Variants in MAPKAP1 observed in about 807,000 individuals in gnomAD.
MAPKAP1 encodes target of rapamycin complex 2 subunit MAPKAP1.
A neutral mutation model predicts 65.7 loss-of-function variants in MAPKAP1; 20 were observed. That is an observed-to-expected ratio of 0.30 (90% CI 0.21 to 0.44). The LOEUF is 0.44. MAPKAP1 is among the 20% of genes least tolerant of loss of function. The pLI is 1.00. For missense variants in MAPKAP1, 423 were observed against 648.0 expected, an observed-to-expected ratio of 0.65 and a Z score of 3.77; for synonymous variants, 222 against 244.3, an observed-to-expected ratio of 0.91 and a Z score of 0.85.
intron 8 of MAPKAP1, among the ~76,000 whole-genome samples, chr9:125,505,412 G>A (rs1266477768): frequency 6.7e-6 from 1 of 149,590 alleles, no homozygotes; most frequent in Non-Finnish European, 1.5e-5. Context: ...GTGACAGAGC[G>A]AGACTCCGTC....
rs1267105244 is a variant in MAPKAP1 at position 125,693,666 on chromosome 9, CATATACACGTATATATACACGTAT to C, written c.-70+13281_-70+13304del. ...ACATATACACGTATACATACACACA[CATATACACGTATATATACACGTAT>C]ATATACACGTATATATACACATATA... On this transcript the variant is annotated intron_variant, in intron 1 of 11. Transcript: ENST00000265960. Among the ~76,000 whole-genome samples, 54 of 134,378 alleles carry C rather than the reference CATATACACGTATATATACACGTAT, an allele frequency of 4.0e-4. 1 individual carries two copies. In the South Asian group the frequency reaches 6.0e-3, roughly 15 times the overall value. The allele number at this position is 134,378 out of a possible 152,430, so 88.2% of individuals were successfully genotyped here. A position where few individuals can be genotyped will look rare whatever the true frequency, so the allele number is the denominator to read the frequency against.
intron 4 of MAPKAP1, among the ~76,000 whole-genome samples, chr9:125,604,488 A>T (rs946905712): frequency 6.6e-6 from 1 of 152,238 alleles, no homozygotes; most frequent in African/African-American, 2.4e-5. Context: ...CAGAGCAGGT[A>T]ATTATACAAC....
intron 4 of MAPKAP1, among the ~76,000 whole-genome samples, chr9:125,643,766 TATATAATTA>T (rs1244331845): frequency 6.6e-6 from 1 of 152,198 alleles, no homozygotes; most frequent in Non-Finnish European, 1.5e-5. Context: ...TAAGGACATA[TATATAATTA>T]GGCTTTTGAT....
intron 7 of MAPKAP1, among the ~76,000 whole-genome samples, chr9:125,536,364 G>A (rs1830072815): frequency 6.6e-6 from 1 of 152,168 alleles, no homozygotes; most frequent in Non-Finnish European, 1.5e-5. Context: ...CTTGCCCGGG[G>A]CACTTCTGAG....
At chr9:125,648,324 C>T (rs554380671) in intron 4 of MAPKAP1, among the ~76,000 whole-genome samples, 1 of 152,258 alleles carries the variant, frequency 6.6e-6, no homozygotes, top group East Asian at 1.9e-4. Flanking sequence ...AATGTATACA[C>T]AAAAGATTAA....
chr9:125,479,331 G>A (rs1854221407), intron 9 of MAPKAP1, among the ~76,000 whole-genome samples: 1 of 152,190 alleles, frequency 6.6e-6, no homozygotes, highest in Non-Finnish European at 1.5e-5. Flanking sequence ...TGTAATCCCA[G>A]CACTTTGGGA....
intron 10 of MAPKAP1, among the ~76,000 whole-genome samples, chr9:125,455,112 T>C (rs1008081472): frequency 1.2e-4 from 19 of 152,186 alleles, no homozygotes; most frequent in African/African-American, 4.6e-4. Flanking sequence ...TTTGTGTCAG[T>C]GGCAGAGGGA....
chr9:125,686,088 G>A (rs1212169867), intron 1 of MAPKAP1, among the ~76,000 whole-genome samples: 1 of 152,098 alleles, frequency 6.6e-6, no homozygotes, highest in Non-Finnish European at 1.5e-5. Context: ...AAGCTGAGGT[G>A]GGCAGAACAC....
chr9:125,502,981 A>T (rs2133075927), intron 8 of MAPKAP1, among the ~76,000 whole-genome samples: 1 of 152,348 alleles, frequency 6.6e-6, no homozygotes, highest in South Asian at 2.1e-4. Context: ...AAATCTTCCA[A>T]GTAAACTGAA....
chr9:125,621,072 G>A (rs1470990761), intron 4 of MAPKAP1, among the ~76,000 whole-genome samples: 3 of 152,028 alleles, frequency 2.0e-5, no homozygotes, highest in African/African-American at 7.3e-5. Context: ...AGGAGTTTGG[G>A]ACCAGCCTGG....
intron 7 of MAPKAP1, among the ~76,000 whole-genome samples, chr9:125,522,954 T>A (rs1388873162): frequency 6.6e-6 from 1 of 152,214 alleles, no homozygotes; most frequent in Non-Finnish European, 1.5e-5. Flanking sequence ...TCCCTCCTTT[T>A]TGATTATCCC....
intron 4 of MAPKAP1, among the ~76,000 whole-genome samples, chr9:125,614,877 C>A (rs1240436569): frequency 6.6e-6 from 1 of 152,066 alleles, no homozygotes; most frequent in Non-Finnish European, 1.5e-5. Context: ...AAGACAATTT[C>A]TTTTCAACAT....
chr9:125,676,018 T>G (rs1834633613), intron 1 of MAPKAP1, among the ~76,000 whole-genome samples: 1 of 152,188 alleles, frequency 6.6e-6, no homozygotes, highest in African/African-American at 2.4e-5. Flanking sequence ...AAGCTATGTT[T>G]GATTTCCAAG....
intron 4 of MAPKAP1, among the ~76,000 whole-genome samples, chr9:125,623,904 C>T (rs1385498960): frequency 7.8e-4 from 14 of 17,956 alleles, no homozygotes; most frequent in African/African-American, 1.0e-3. Context: ...CCCCTCAGCC[C>T]GGCCAGCCAC....
At chr9:125,534,292 C>A (rs979263000) in intron 7 of MAPKAP1, among the ~76,000 whole-genome samples, 1 of 152,180 alleles carries the variant, frequency 6.6e-6, no homozygotes, top group African/African-American at 2.4e-5. Context: ...AGGAAACCTT[C>A]ATTTTTTACT....
rs570909146 is a variant in MAPKAP1 at position 125,565,703 on chromosome 9, G to A, written c.672-5894C>T. 6.8e-4 allele frequency: 230 copies of A among 337,552 alleles called. 1 individual carries two copies. The highest frequency in any genetic ancestry group is 1.2e-3 in the Admixed American group (26 of 21,918). The allele number at this position is 337,552 out of a possible 1,614,324, so 20.9% of individuals were successfully genotyped here. On this transcript the variant is annotated intron_variant, in intron 5 of 11. Transcript: ENST00000265960. ...AAAGTGAGGTCCAAAAAAACCTCAG[G>A]AAGTTAGATAACTTCCTGATCCTCA... is the stretch of plus-strand genomic sequence containing the variant.
chr9:125,500,808 A>C (rs1277746169), intron 8 of MAPKAP1, among the ~76,000 whole-genome samples: 1 of 152,232 alleles, frequency 6.6e-6, no homozygotes, highest in African/African-American at 2.4e-5. Context: ...TTGTATAACA[A>C]GGAATCAACA....
chr9:125,693,714 T>C (rs532670065), intron 1 of MAPKAP1, among the ~76,000 whole-genome samples: 2,797 of 68,986 alleles, frequency 0.041, 167 homozygotes, highest in Middle Eastern at 0.075. Flanking sequence ...TATACACATA[T>C]ATACACGTAT....
intron 1 of MAPKAP1, among the ~76,000 whole-genome samples, chr9:125,682,965 T>C (rs1013351333): frequency 6.6e-6 from 1 of 151,876 alleles, no homozygotes; most frequent in Non-Finnish European, 1.5e-5. Flanking sequence ...AATTCTTTTT[T>C]TTTTTTTTTT....
Sources: allele counts gnomAD v4.1 joint callset (sites outside exome capture counted in the v4.1 genomes callset), GRCh38; gene constraint gnomAD v4.1.1; transcripts MANE v1.5; gene names NCBI Gene and HGNC (gene_info 2026-07-23, HGNC 2026-07-21).